Variants in URM1 observed in about 807,000 individuals in gnomAD.
URM1 encodes ubiquitin related modifier 1.
URM1 carries 11 observed loss-of-function variants against 17.7 expected under a neutral mutation model. The ratio of observed to expected loss-of-function variants is 0.62; its 90% CI spans 0.39 to 1.03. The LOEUF is 1.03. Among genes scored for constraint, URM1 ranks in the 50% least tolerant of loss-of-function variants. The pLI is 0.00. For synonymous variants in URM1, 48 were observed against 50.6 expected (o/e 0.95, Z 0.22); for missense variants, 128 against 129.2 (o/e 0.99, Z 0.04).
At chr9:128,371,576 T>C (rs1833013067) in intron 1 of URM1, among the ~76,000 whole-genome samples, 161 bp downstream of exon 1, 1 of 152,178 alleles carries the variant, frequency 6.6e-6, no homozygotes, top group South Asian at 2.1e-4. Context: ...GGCCAGTCTC[T>C]CTTGGCAGTG....
rs775261214 is a variant in URM1, at chr9:128,377,979, C to G, written c.36-57C>G. On this transcript the variant is annotated intron_variant, in intron 1 of 4. Coordinates refer to ENST00000372853, the MANE Select transcript of URM1 (RefSeq NM_030914.4). ...ATCCTCAGTTTTCTGTTTCCGCTACCTCTTCCTATTTGCAGGAGCTCACCT... is the reference window on the plus strand; with the variant it reads ...ATCCTCAGTTTTCTGTTTCCGCTACGTCTTCCTATTTGCAGGAGCTCACCT... 5.0e-6 allele frequency: 8 copies of G among 1,598,966 alleles called. No individual in the cohort carries two copies. In the East Asian group the frequency reaches 1.8e-4, roughly 36 times the overall value.
At chr9:128,382,128 G>A (rs1833166993) in intron 2 of URM1, among the ~76,000 whole-genome samples, 1 of 152,140 alleles carries the variant, frequency 6.6e-6, no homozygotes, top group Non-Finnish European at 1.5e-5. Context: ...TCCCCACTCT[G>A]GGAAGAAAGG....
chr9:128,382,744 C>T (rs752364363), intron 2 of URM1, among the ~76,000 whole-genome samples: 11 of 152,208 alleles, frequency 7.2e-5, no homozygotes, highest in Non-Finnish European at 1.3e-4. Flanking sequence ...AGAAAAGTTT[C>T]TTCAAGATCC....
intron 2 of URM1, among the ~76,000 whole-genome samples, chr9:128,386,961 G>A (rs189034629): frequency 1.1e-4 from 17 of 152,346 alleles, no homozygotes; most frequent in East Asian, 3.9e-4. Flanking sequence ...TTTCGGGGGC[G>A]GACAGTTGAG....
In URM1 at chr9:128,378,054, G is replaced by A; in HGVS notation, c.54G>A (p.Leu18=). 6.2e-7 allele frequency: 1 copy of A among 1,612,104 alleles called. No individual in the cohort carries two copies. The highest frequency in any genetic ancestry group is 1.3e-5 in the African/African-American group (1 of 74,898). Residue 18 remains leucine, a synonymous_variant, in exon 2 of 5, where the codon CTG becomes CTA. Coordinates refer to ENST00000372853, the MANE Select transcript of URM1 (RefSeq NM_030914.4). ...TTTGCAGAGGTGGTGCGGAGCTCCT[G>A]TTTGACGGTATTAAGAAACATCGAG... The part of the protein sequence containing the change: ...EVEFGGGAEL[L]FDGIKKHRVT...
rs115890637 is a variant in URM1, at chr9:128,380,496, A to T, written c.106+2390A>T. On this transcript the variant is annotated intron_variant, in intron 2 of 4. Coordinates refer to ENST00000372853, the MANE Select transcript of URM1 (RefSeq NM_030914.4). Reference sequence around the variant, plus strand: ...TGGCCATGCAGCCTTGGGAGGGCACATGGTGCTCTCAGAAGAAGCTTCTCA... The same window carrying T: ...TGGCCATGCAGCCTTGGGAGGGCACTTGGTGCTCTCAGAAGAAGCTTCTCA... Among the ~76,000 whole-genome samples the T allele has an allele frequency of 8.9e-3, 1,352 of 152,258 alleles. 13 individuals are homozygous for T. The highest frequency in any genetic ancestry group is 0.03 in the African/African-American group (1,263 of 41,546).
chr9:128,385,764 A>G (rs114440455), intron 2 of URM1, among the ~76,000 whole-genome samples: 1 of 151,970 alleles, frequency 6.6e-6, no homozygotes, highest in Non-Finnish European at 1.5e-5. Flanking sequence ...GAAGGGAGCC[A>G]TGAGTTCCCC....
intron 1 of URM1, 121 bp downstream of exon 1, chr9:128,371,536 G>A: frequency 9.9e-7 from 1 of 1,011,204 alleles, no homozygotes; most frequent in Non-Finnish European, 1.5e-6. Context: ...CCCGCTGTGA[G>A]CTACGCTACC....
At chr9:128,379,697 G>A (rs907035919) in intron 2 of URM1, among the ~76,000 whole-genome samples, 1 of 151,904 alleles carries the variant, frequency 6.6e-6, no homozygotes, top group Non-Finnish European at 1.5e-5. Flanking sequence ...CTACTCTGGA[G>A]GCTGAGGCAC....
intron 2 of URM1, among the ~76,000 whole-genome samples, chr9:128,384,110 A>G (rs1172558726): frequency 6.6e-6 from 1 of 152,136 alleles, no homozygotes; most frequent in African/African-American, 2.4e-5. Flanking sequence ...TTGTCAGAGG[A>G]TGACACTGAG....
chr9:128,389,170 C>T (rs1275448690), intron 3 of URM1, 91 bp from the exon 4 acceptor site: 3 of 1,514,952 alleles, frequency 2.0e-6, no homozygotes, highest in Admixed American at 4.2e-5. Flanking sequence ...TCAGCACACT[C>T]TCCTGCAGCC....
chr9:128,374,083 A>C (rs563406539), intron 1 of URM1, among the ~76,000 whole-genome samples: 1 of 152,188 alleles, frequency 6.6e-6, no homozygotes, highest in South Asian at 2.1e-4. Context: ...TGAATAGCAG[A>C]TCTTATAAGA....
chr9:128,384,104 C>G (rs1461442114), intron 2 of URM1, among the ~76,000 whole-genome samples: 1 of 152,200 alleles, frequency 6.6e-6, no homozygotes, highest in Non-Finnish European at 1.5e-5. Context: ...CCCTGCTTGT[C>G]AGAGGATGAC....
Position 128,391,992 on chromosome 9 carries a change from CAAAT to C in URM1, c.*2262_*2265del, listed in dbSNP as rs1431326755. ...TGATCCCTGCTTTTGAGGAAATAAA[CAAAT>C]AAAACCCCGCTATCTCCGAAGATTT... On this transcript the variant is annotated 3_prime_UTR_variant, in exon 5 of 5. Coordinates refer to ENST00000372853, the MANE Select transcript of URM1 (RefSeq NM_030914.4). The C allele has an allele frequency of 2.0e-5, 3 of 152,330 alleles. No individual in the cohort carries two copies. Among genetic ancestry groups the C allele is most frequent in the Non-Finnish European group, 4.4e-5 (3 of 68,108 alleles). The allele number at this position is 152,330 out of a possible 1,614,324, so 9.4% of individuals were successfully genotyped here.
chr9:128,375,617 T>A (rs1833066076), intron 1 of URM1, among the ~76,000 whole-genome samples: 1 of 152,090 alleles, frequency 6.6e-6, no homozygotes. Flanking sequence ...TGCAGTACAG[T>A]GGCATGACCT....
chr9:128,389,349 C>G, intron 4 of URM1, 40 bp downstream of exon 4: 3 of 1,613,992 alleles, frequency 1.9e-6, no homozygotes, highest in Non-Finnish European at 2.5e-6. Context: ...AGCCCCTGCC[C>G]TTGCTGCTTC....
chr9:128,387,325 T>G lies in URM1; in HGVS notation c.107-491T>G, dbSNP rs1188901284. Reference sequence around the variant, plus strand: ...TGATGTTATCAGCTCAGCAATTGTTTTTTTCCCCTCACAAAGGGAAATATA... The same window carrying G: ...TGATGTTATCAGCTCAGCAATTGTTGTTTTCCCCTCACAAAGGGAAATATA... On this transcript the variant is annotated intron_variant, in intron 2 of 4. Coordinates refer to ENST00000372853, the MANE Select transcript of URM1 (RefSeq NM_030914.4). The surrounding 1 kb of genome is among the most constrained non-coding windows in gnomAD (Gnocchi z 4.3). 2.0e-5 allele frequency among the ~76,000 whole-genome samples: 3 copies of G among 152,190 alleles called. No individual in the cohort carries two copies. Among genetic ancestry groups the G allele is most frequent in the African/African-American group, 7.2e-5 (3 of 41,448 alleles).
chr9:128,389,238 A>G, intron 3 of URM1, 23 bp from the exon 4 acceptor site: 1 of 1,581,780 alleles, frequency 6.3e-7, no homozygotes, highest in East Asian at 2.2e-5. Context: ...ACTCCTTGCT[A>G]CTCACCACCA....
chr9:128,379,749 C>T (rs936781367), intron 2 of URM1, among the ~76,000 whole-genome samples: 2 of 144,118 alleles, frequency 1.4e-5, no homozygotes, highest in South Asian at 2.2e-4. Context: ...TGCAGTGAGC[C>T]GAATCATGCC....
Sources: gnomAD v4.1 joint callset for allele counts (sites outside exome capture counted in the v4.1 genomes callset) on GRCh38, gnomAD v4.1.1 for gene constraint, Gnocchi (gnomAD v3.1) non-coding constraint, MANE v1.5 for transcripts, NCBI Gene and HGNC (gene_info 2026-07-23, HGNC 2026-07-21) for gene names.